ADAMTSL1: variants seen among roughly 807,000 people sequenced by gnomAD.
The protein encoded by ADAMTSL1 is ADAMTS like 1.
In ADAMTSL1, 126 loss-of-function variants were observed where a neutral mutation model predicts 201.8. The ratio of observed to expected loss-of-function variants is 0.62; its 90% confidence interval spans 0.54 to 0.72. ADAMTSL1 has a LOEUF of 0.72. Among genes scored for constraint, ADAMTSL1 ranks in the 30% least tolerant of loss-of-function variants. ADAMTSL1 has a pLI of 0.00. For missense variants in ADAMTSL1, 2,679 were observed against 2,277.8 expected (o/e 1.18, Z -3.59); for synonymous variants, 1,121 against 903.4 (o/e 1.24, Z -4.32).
intron 2 of ADAMTSL1, among the ~76,000 whole-genome samples, chr9:18,174,216 C>G (rs1244149022): frequency 6.6e-6 from 1 of 152,150 alleles, no homozygotes; most frequent in African/African-American, 2.4e-5. Flanking sequence ...ACTATCTTCC[C>G]AAGGAGTCCC....
intron 1 of ADAMTSL1, among the ~76,000 whole-genome samples, chr9:18,072,699 G>T (rs1823022388): frequency 6.6e-6 from 1 of 152,150 alleles, no homozygotes; most frequent in African/African-American, 2.4e-5. Flanking sequence ...CCACTTGTAT[G>T]TTTTTATCCA....
rs79876167 is a variant in ADAMTSL1, at chr9:18,504,445, A to G, written c.64-384A>G. Among the ~76,000 whole-genome samples the G allele has an allele frequency of 9.8e-5, 15 of 152,362 alleles. No individual in the cohort carries two copies. The East Asian group carries it at 2.9e-3, about 29-fold the overall frequency. On this transcript the variant is annotated intron_variant, in intron 1 of 28. Coordinates refer to ENST00000380548, the MANE Select transcript of ADAMTSL1 (RefSeq NM_001040272.6). ...TTAGTGTGCACATGCCAAGCTTCTC[A>G]GGACAGAAATACCTCTGAGAGCAGC...
intron 2 of ADAMTSL1, among the ~76,000 whole-genome samples, chr9:18,207,536 G>T (rs1425077371): frequency 6.6e-6 from 1 of 152,168 alleles, no homozygotes; most frequent in Non-Finnish European, 1.5e-5. Flanking sequence ...ATATGCATCA[G>T]ACTGAAGTCC....
At chr9:18,413,744 A>T (rs368847227) in intron 2 of ADAMTSL1, among the ~76,000 whole-genome samples, 2 of 152,114 alleles carry the variant, frequency 1.3e-5, no homozygotes, top group African/African-American at 4.8e-5. Flanking sequence ...TGTAGCTTCA[A>T]AGTCTTGGTT....
intron 2 of ADAMTSL1, among the ~76,000 whole-genome samples, chr9:18,164,840 T>G (rs945008027): frequency 3.3e-5 from 5 of 151,930 alleles, no homozygotes; most frequent in African/African-American, 1.2e-4. Context: ...TTTTGCATAT[T>G]GTGTCACATG....
At chr9:18,291,739 TCTCTCTCTCA>T (rs1437353910) in intron 2 of ADAMTSL1, among the ~76,000 whole-genome samples, 27 of 123,580 alleles carry the variant, frequency 2.2e-4, no homozygotes, top group South Asian at 5.3e-4. Context: ...TCTCTCTCTC[TCTCTCTCTCA>T]CACACACACA....
intron 1 of ADAMTSL1, among the ~76,000 whole-genome samples, chr9:18,157,311 T>A (rs1827198594): frequency 6.6e-6 from 1 of 152,022 alleles, no homozygotes; most frequent in African/African-American, 2.4e-5. Flanking sequence ...TTATTAATAG[T>A]TTTTAAATTT....
At chr9:18,814,631 G>A (rs532072355) in intron 20 of ADAMTSL1, among the ~76,000 whole-genome samples, 9 of 152,300 alleles carry the variant, frequency 5.9e-5, no homozygotes, top group Admixed American at 5.9e-4. Context: ...ACTAACGCAA[G>A]AACAGAAAAC....
At chr9:18,795,577 G>T (rs938370469) in intron 20 of ADAMTSL1, 53 bp downstream of exon 20, 4 of 1,535,484 alleles carry the variant, frequency 2.6e-6, no homozygotes, top group Non-Finnish European at 3.5e-6. Flanking sequence ...TTGAATGAGT[G>T]CCTATAGTGT....
intron 2 of ADAMTSL1, among the ~76,000 whole-genome samples, chr9:18,511,776 C>A (rs1818037223): frequency 6.6e-6 from 1 of 152,126 alleles, no homozygotes; most frequent in Non-Finnish European, 1.5e-5. Context: ...CATCTTATTT[C>A]TATACCGTAT....
chr9:18,156,989 A>T (rs1157956360), intron 1 of ADAMTSL1, among the ~76,000 whole-genome samples: 1 of 152,024 alleles, frequency 6.6e-6, no homozygotes, highest in Non-Finnish European at 1.5e-5. Flanking sequence ...CTGTTTTATC[A>T]TCTTATATAT....
intron 1 of ADAMTSL1, among the ~76,000 whole-genome samples, chr9:18,093,051 C>T (rs1824095867): frequency 6.6e-6 from 1 of 152,054 alleles, no homozygotes; most frequent in Non-Finnish European, 1.5e-5. Context: ...TTATGGAGGC[C>T]TCATGGTAAT....
intron 2 of ADAMTSL1, among the ~76,000 whole-genome samples, chr9:18,409,742 G>GTA (rs915281664): frequency 6.7e-6 from 1 of 149,936 alleles, no homozygotes; most frequent in East Asian, 2.0e-4. Context: ...TAAGTATCAT[G>GTA]TATATATACA....
At chr9:18,639,516 G>T in intron 7 of ADAMTSL1, 105 bp downstream of exon 7, 3 of 1,357,372 alleles carry the variant, frequency 2.2e-6, no homozygotes, top group Non-Finnish European at 3.0e-6. Flanking sequence ...TGTTTGGAAA[G>T]CCCGTTTGTT....
chr9:18,332,427 A>G (rs1351128316), intron 2 of ADAMTSL1, among the ~76,000 whole-genome samples: 1 of 151,990 alleles, frequency 6.6e-6, no homozygotes, highest in Non-Finnish European at 1.5e-5. Flanking sequence ...TTCTCTTGCT[A>G]TCTTTTTTAT....
rs113130831 is a variant in ADAMTSL1, at chr9:18,887,962, G to A, written c.4381G>A (p.Gly1461Ser). Residue 1461 changes from glycine to serine, a missense_variant, in exon 24 of 29, where the codon GGT becomes AGT. Coordinates refer to ENST00000380548, the MANE Select transcript of ADAMTSL1 (RefSeq NM_001040272.6). ...GQILQVANLS[G>S]GSQGEFSCLA... ...GATCCTTCAAGTTGCAAACCTTAGC[G>A]GTGGGTCTCAAGGGGAATTCAGCTG... is the stretch of plus-strand genomic sequence containing the variant. 216 of 1,613,954 alleles carry A rather than the reference G, an allele frequency of 1.3e-4. 1 individual carries two copies. In the East Asian group the frequency reaches 3.1e-3, roughly 23 times the overall value.
At position 18,776,929 on chromosome 9, in the gene ADAMTSL1, G is replaced by C. The variant is rs369640801; in HGVS notation, c.2700G>C (p.Pro900=). ...AGACGGCGGTGGTGCTGCGCTGCCC[G>C]GCGCGCAGGGTCCGCAAGCCCCTCA... ...LPKTAVVLRC[P]ARRVRKPLIT... is the part of the protein sequence containing the mutation. The change falls in exon 19 of 29, where the codon CCG becomes CCC. Residue 900 remains proline, a synonymous_variant. Transcript: ENST00000380548. 7.4e-5 allele frequency: 118 copies of C among 1,602,882 alleles called. No homozygotes were observed. Among genetic ancestry groups the C allele is most frequent in the Non-Finnish European group, 9.2e-5 (108 of 1,175,008 alleles).
intron 2 of ADAMTSL1, among the ~76,000 whole-genome samples, chr9:18,364,173 A>T (rs538413425): frequency 6.6e-6 from 1 of 152,110 alleles, no homozygotes; most frequent in South Asian, 2.1e-4. Flanking sequence ...AGAGCCATGG[A>T]TGAGTAGGAG....
At position 18,712,623 on chromosome 9, in the gene ADAMTSL1, T is replaced by C. The variant is rs565979638; in HGVS notation, c.1876+5575T>C. Among the ~76,000 whole-genome samples, 1,208 of 150,956 alleles carry C rather than the reference T, an allele frequency of 8.0e-3. 21 individuals carry two copies. Among genetic ancestry groups the C allele is most frequent in the African/African-American group, 0.027 (1,129 of 41,106 alleles). On this transcript the variant is annotated intron_variant, in intron 14 of 28. Coordinates refer to ENST00000380548, the MANE Select transcript of ADAMTSL1 (RefSeq NM_001040272.6). ...GTGAAAAGACCAAATCTATGTCTGA[T>C]TGGTGTACCTGAAAGTGACGGGGAG...
Sources: gnomAD v4.1 joint callset for allele counts (sites outside exome capture counted in the v4.1 genomes callset) on GRCh38, gnomAD v4.1.1 for gene constraint, MANE v1.5 for transcripts, NCBI Gene and HGNC (gene_info 2026-07-23, HGNC 2026-07-21) for gene names.